Variants in HEXD observed in about 807,000 individuals in gnomAD.
HEXD encodes N-acetyl-beta-galactosaminidase.
Under a neutral mutation model 54.2 loss-of-function variants are expected in HEXD, and 47 were observed. That is an observed-to-expected ratio of 0.87 (90% CI 0.69 to 1.11). HEXD has a LOEUF of 1.11. Among genes scored for constraint, HEXD ranks in the 50% least tolerant of loss-of-function variants. The probability of loss-of-function intolerance (pLI) is 0.00; values close to 1 mark genes in which losing one functional copy is unlikely to be tolerated. For synonymous variants in HEXD, 293 were observed against 287.6 expected (o/e 1.02, Z -0.19); for missense variants, 576 against 649.2 (o/e 0.89, Z 1.23).
chr17:82,424,162 A>G (rs2053325921), intron 2 of HEXD, among the ~76,000 whole-genome samples: 1 of 152,186 alleles, frequency 6.6e-6, no homozygotes, highest in African/African-American at 2.4e-5. Context: ...GTTGAGTAGC[A>G]GCCCTGTTTC....
At chr17:82,433,091 A>AATATAT (rs1555617646) in intron 4 of HEXD, among the ~76,000 whole-genome samples, 1 of 13,232 alleles carries the variant, frequency 7.6e-5, no homozygotes, top group African/African-American at 6.0e-4. Context: ...AAAAAAAAAA[A>AATATAT]ATATATATAT....
At chr17:82,433,850 A>G in intron 5 of HEXD, 28 bp downstream of exon 5, 1 of 1,581,806 alleles carries the variant, frequency 6.3e-7, no homozygotes, top group Non-Finnish European at 8.6e-7. Flanking sequence ...AGCTCTGTGC[A>G]GGACACTCTC....
intron 2 of HEXD, among the ~76,000 whole-genome samples, chr17:82,424,173 A>G (rs2053326718): frequency 1.3e-5 from 2 of 152,136 alleles, no homozygotes; most frequent in Non-Finnish European, 2.9e-5. Context: ...GCCCTGTTTC[A>G]TAGCATATCT....
At chr17:82,428,327 C>G (rs992086381) in intron 3 of HEXD, among the ~76,000 whole-genome samples, 3 of 152,144 alleles carry the variant, frequency 2.0e-5, no homozygotes, top group Non-Finnish European at 4.4e-5. Context: ...ATTCTCTTGT[C>G]GTGGGTTGAA....
chr17:82,436,744 T>G lies in HEXD; in HGVS notation c.703+6T>G, dbSNP rs778641582. 37 of 1,610,338 alleles carry G rather than the reference T, an allele frequency of 2.3e-5. 1 individual carries two copies. In the African/African-American group the frequency reaches 3.5e-4, roughly 15 times the overall value. On this transcript the variant is annotated splice_donor_region_variant and intron_variant, in intron 7 of 12. Coordinates refer to ENST00000327949, the MANE Select transcript of HEXD (RefSeq NM_001330542.2). ...CCTGGATGTGCACGGCAAGGGTCAG[T>G]GCCAAGTTGTGGGGGGTGTGTTGTC...
At chr17:82,428,525 A>C (rs779135500) in intron 3 of HEXD, 33 bp from the exon 4 acceptor site, 1 of 1,585,506 alleles carries the variant, frequency 6.3e-7, no homozygotes. Flanking sequence ...TGCTGCTCAC[A>C]TGACCCTCTC....
rs1191704602 is a variant in HEXD, at chr17:82,428,381, A to C, written c.195-177A>C. Among the ~76,000 whole-genome samples the C allele has an allele frequency of 2.0e-5, 3 of 152,118 alleles. No individual in the cohort carries two copies. In the East Asian group the frequency reaches 5.8e-4, roughly 29 times the overall value. The stretch of plus-strand genomic sequence containing the variant: ...GGACGTGCTAGAACATCATCTTCCC[A>C]AATTTTGGAGCAGGTACCTTTCCAG... On this transcript the variant is annotated intron_variant, in intron 3 of 12. Coordinates refer to ENST00000327949, the MANE Select transcript of HEXD (RefSeq NM_001330542.2).
chr17:82,432,909 T>A (rs1303082065), intron 4 of HEXD, among the ~76,000 whole-genome samples: 1 of 145,340 alleles, frequency 6.9e-6, no homozygotes, highest in Non-Finnish European at 1.5e-5. Context: ...TAAAACAAAA[T>A]ACAAAAATTA....
intron 9 of HEXD, 119 bp downstream of exon 9, chr17:82,439,832 G>A (rs570780821): frequency 3.2e-5 from 50 of 1,574,928 alleles, no homozygotes; most frequent in East Asian, 2.8e-4. Flanking sequence ...CCTCACAGTC[G>A]GAGGATGGTC....
At position 82,435,813 on chromosome 17, in the gene HEXD, G is replaced by A. The variant is rs375790128; in HGVS notation, c.572G>A (p.Ser191Asn). 1 of 1,612,566 alleles carries A rather than the reference G, an allele frequency of 6.2e-7. No homozygotes were observed. The highest frequency in any genetic ancestry group is 1.1e-5 in the South Asian group (1 of 91,060). Reference sequence around the variant, plus strand: ...AGCGGCGTGAAGGCCCGGCGCCCCAGCGTGACACCCCTGGTGTGGGACGAC... The same window carrying A: ...AGCGGCGTGAAGGCCCGGCGCCCCAACGTGACACCCCTGGTGTGGGACGAC... Reference protein sequence around the residue: ...VASGVKARRPSVTPLVWDDML... With the variant: ...VASGVKARRPNVTPLVWDDML... The change falls in exon 6 of 13, where the codon AGC becomes AAC. Residue 191 changes from serine (S) to asparagine (N), a missense_variant. Coordinates refer to ENST00000327949, the MANE Select transcript of HEXD (RefSeq NM_001330542.2).
chr17:82,437,294 A>G lies in HEXD; in HGVS notation c.830A>G (p.Gln277Arg). The change falls in exon 8 of 13, where the codon CAG becomes CGG. Residue 277 changes from glutamine (Q) to arginine (R), a missense_variant. By Grantham distance (43) the Gln-to-Arg change is conservative. Coordinates refer to ENST00000327949, the MANE Select transcript of HEXD (RefSeq NM_001330542.2). The part of the protein sequence containing the change: ...PVEHHLRNHV[Q>R]WLQVAGSGPT... ...GAGCACCACCTCAGGAACCACGTGC[A>G]GTGGCTGCAGGTGGCGGGCAGCGGG... is the stretch of plus-strand genomic sequence containing the variant. 1 of 1,612,298 alleles carries G rather than the reference A, an allele frequency of 6.2e-7. No homozygotes were observed. The highest frequency in any genetic ancestry group is 8.5e-7 in the Non-Finnish European group (1 of 1,179,574).
At chr17:82,439,929 GGCTGGA>G in intron 9 of HEXD, 1 of 1,520,090 alleles carries the variant, frequency 6.6e-7, no homozygotes, top group South Asian at 1.2e-5. Context: ...GCCCAAAGCA[GGCTGGA>G]GAGTGACGCG....
At chr17:82,441,681 TG>T in intron 11 of HEXD, 118 bp from the exon 12 acceptor site, 1 of 828,994 alleles carries the variant, frequency 1.2e-6, no homozygotes, top group Non-Finnish European at 2.1e-6. Flanking sequence ...AAAGACTTTC[TG>T]GGGGACATAA....
chr17:82,441,390 G>C (rs2053956828), intron 11 of HEXD, 124 bp downstream of exon 11: 2 of 1,140,268 alleles, frequency 1.8e-6, no homozygotes, highest in Non-Finnish European at 2.4e-6. Flanking sequence ...GAGCGGGCAG[G>C]CATGGGGCAG....
intron 7 of HEXD, 145 bp from the exon 8 acceptor site, chr17:82,437,023 A>C: frequency 1.3e-6 from 1 of 762,966 alleles, no homozygotes; most frequent in African/African-American, 1.8e-5. Context: ...GGCCGCATAC[A>C]CTCTGGAGTC....
chr17:82,440,457 T>C (rs1301481101), intron 9 of HEXD: 2 of 582,370 alleles, frequency 3.4e-6, no homozygotes, highest in African/African-American at 2.0e-5. Flanking sequence ...TGTGTTAATA[T>C]TGACGGTATT....
At position 82,424,345 on chromosome 17, in the gene HEXD, C is replaced by T. The variant is rs376215930; in HGVS notation, c.85-49C>T. ...TCTCCCTGCTGTGGACTTGCCACAT[C>T]GTGCTCCAGCAGCCACTTCTTCCTA... On this transcript the variant is annotated intron_variant, in intron 2 of 12. Transcript: ENST00000327949. 2.9e-3 allele frequency: 3,614 copies of T among 1,248,808 alleles called. 11 individuals are homozygous for T. The highest frequency in any genetic ancestry group is 4.3e-3 in the South Asian group (353 of 82,890). The allele number at this position is 1,248,808 out of a possible 1,614,324, so 77.4% of individuals were successfully genotyped here. A position where few individuals can be genotyped will look rare whatever the true frequency, so the allele number is the denominator to read the frequency against.
At chr17:82,437,614 C>T (rs2053809060) in intron 8 of HEXD, among the ~76,000 whole-genome samples, 1 of 132,210 alleles carries the variant, frequency 7.6e-6, no homozygotes, top group African/African-American at 3.0e-5. Context: ...CCGTGTGCGC[C>T]GCACCTGAGG....
At chr17:82,420,208 A>G (rs1401800134) in intron 2 of HEXD, 5 of 191,452 alleles carry the variant, frequency 2.6e-5, no homozygotes, top group Non-Finnish European at 5.3e-5. Context: ...CCTTATTTGG[A>G]AATAGGATCT....
Sources: allele counts gnomAD v4.1 joint callset (sites outside exome capture counted in the v4.1 genomes callset), GRCh38; gene constraint gnomAD v4.1.1; transcripts MANE v1.5; gene names NCBI Gene and HGNC (gene_info 2026-07-23, HGNC 2026-07-21).